CFAP65: variants seen among roughly 807,000 people sequenced by gnomAD.
CFAP65 encodes cilia and flagella associated protein 65.
CFAP65 carries 155 observed loss-of-function variants against 208.0 expected under a neutral mutation model. The ratio of observed to expected loss-of-function variants is 0.75; its 90% CI spans 0.65 to 0.85. The LOEUF (loss-of-function observed/expected upper bound fraction) is 0.85, where lower values mean the gene tolerates loss of function less well. Ranked by LOEUF, CFAP65 falls within the 40% of genes least tolerant of loss-of-function variation. The pLI is 0.00. For missense variants in CFAP65, 2,294 were observed against 2,451.3 expected, an observed-to-expected ratio of 0.94 and a Z score of 1.36; for synonymous variants, 970 against 986.3, an observed-to-expected ratio of 0.98 and a Z score of 0.31.
At chr2:219,039,167 G>GC in intron 2 of CFAP65, 117 bp from the exon 3 acceptor site, 3 of 900,578 alleles carry the variant, frequency 3.3e-6, no homozygotes, top group South Asian at 1.8e-5. Context: ...ATATATGCCA[G>GC]ATGCTATGTA....
chr2:219,013,974 T>A lies in CFAP65; in HGVS notation c.3673A>T (p.Thr1225Ser). The A allele has an allele frequency of 6.2e-7, 1 of 1,613,502 alleles. No homozygotes were observed. The highest frequency in any genetic ancestry group is 8.5e-7 in the Non-Finnish European group (1 of 1,179,822). ...LWAEQAELNS[T>S]ELHQMRVQDN... is the part of the protein sequence containing the mutation. Reference sequence around the variant, plus strand: ...TGCACGCGCATCTGGTGGAGCTCAGTGGAATTCAACTCTGCTTGCTCTGCC... The same window carrying A: ...TGCACGCGCATCTGGTGGAGCTCAGAGGAATTCAACTCTGCTTGCTCTGCC... Residue 1225 changes from threonine to serine, a missense_variant, in exon 22 of 35, where the codon ACT (threonine) becomes TCT (serine). Coordinates refer to ENST00000341552, the MANE Select transcript of CFAP65 (RefSeq NM_194302.4).
Position 219,019,626 on chromosome 2 carries a change from C to G in CFAP65, c.3353G>C (p.Ser1118Thr), listed in dbSNP as rs1947143638. 6.2e-7 allele frequency: 1 copy of G among 1,613,730 alleles called. No individual in the cohort carries two copies. Among genetic ancestry groups the G allele is most frequent in the Admixed American group, 1.7e-5 (1 of 60,010 alleles). The change falls in exon 20 of 35, where the codon AGT becomes ACT. Residue 1118 changes from serine (S) to threonine (T), a missense_variant. Coordinates refer to ENST00000341552, the MANE Select transcript of CFAP65 (RefSeq NM_194302.4). Reference sequence around the variant, plus strand: ...GTGCTTCCGGGTGATACCCTCAGCACTGCCCATGGAGCTGACATCCAGGAT... The same window carrying G: ...GTGCTTCCGGGTGATACCCTCAGCAGTGCCCATGGAGCTGACATCCAGGAT... ...LSILDVSSMG[S>T]AEGITRKHLW...
intron 32 of CFAP65, among the ~76,000 whole-genome samples, chr2:219,005,124 C>T (rs1420361036): frequency 1.3e-5 from 2 of 152,010 alleles, no homozygotes; most frequent in Admixed American, 6.6e-5. Context: ...TTAATGGTCT[C>T]AAGCAATCCT....
intron 11 of CFAP65, 25 bp from the exon 12 acceptor site, chr2:219,028,426 G>A (rs1201891237): frequency 3.1e-6 from 5 of 1,607,436 alleles, no homozygotes; most frequent in East Asian, 2.2e-5. Context: ...TGTGTGTGGT[G>A]GGGCATGGGA....
chr2:219,022,837 C>T (rs970455352), intron 16 of CFAP65, among the ~76,000 whole-genome samples: 1 of 152,226 alleles, frequency 6.6e-6, no homozygotes, highest in African/African-American at 2.4e-5. Context: ...CTCACCCTCA[C>T]TGGTGGCTGG....
chr2:219,031,477 C>T lies in CFAP65; in HGVS notation c.815+12G>A. 6.2e-7 allele frequency: 1 copy of T among 1,614,194 alleles called. No homozygotes were observed. Among genetic ancestry groups the T allele is most frequent in the Non-Finnish European group, 8.5e-7 (1 of 1,180,034 alleles). On this transcript the variant is annotated intron_variant, in intron 7 of 34. Coordinates refer to ENST00000341552, the MANE Select transcript of CFAP65 (RefSeq NM_194302.4). This position sits in a 1 kb window ranked among gnomAD's most constrained non-coding sequence, Gnocchi z 5.2. ...TCTTGCTCTCCCCGCCGCACCTCAG[C>T]CTCTTCCTCACCCCACATTATCCAG...
rs1945762691 is a variant in CFAP65, at chr2:219,004,018, C to T, written c.5489G>A (p.Trp1830Ter). 6.2e-7 allele frequency: 1 copy of T among 1,613,972 alleles called. No individual in the cohort carries two copies. Among genetic ancestry groups the T allele is most frequent in the African/African-American group, 1.3e-5 (1 of 74,924 alleles). ...CACCATGACATTCAGCTGCTGTTGC[C>T]ACTGCCATTGCATGGACTCCTGGGA... ...PESQESMQWQ[W>*]QQQLNVMVKE... Residue 1830 changes from tryptophan (W) to a stop codon, truncating the protein, a stop_gained, in exon 33 of 35, where the codon TGG becomes TAG. Transcript: ENST00000341552. LOFTEE classifies it high-confidence loss of function. This position sits in a 1 kb window ranked among gnomAD's most constrained non-coding sequence, Gnocchi z 4.7.
In CFAP65 at chr2:219,003,858, A is replaced by G. The variant is rs939649910; in HGVS notation, c.5555+94T>C. Reference sequence around the variant, plus strand: ...AGCACTGAATTAGGATGAGATGTGCATACAGGCAGCAGCCATCCTTGGCAT... The same window carrying G: ...AGCACTGAATTAGGATGAGATGTGCGTACAGGCAGCAGCCATCCTTGGCAT... On this transcript the variant is annotated intron_variant, in intron 33 of 34. Coordinates refer to ENST00000341552, the MANE Select transcript of CFAP65 (RefSeq NM_194302.4). This position sits in a 1 kb window ranked among gnomAD's most constrained non-coding sequence, Gnocchi z 4.4. 17 of 1,457,646 alleles carry G rather than the reference A, an allele frequency of 1.2e-5. No homozygotes were observed. The highest frequency in any genetic ancestry group is 3.8e-5 in the Admixed American group (2 of 52,656). The allele number at this position is 1,457,646 out of a possible 1,614,324, so 90.3% of individuals were successfully genotyped here.
rs5838715 is a variant in CFAP65 at position 219,031,925 on chromosome 2, CTTTTTTT to C, written c.646-274_646-268del. 2.3e-5 allele frequency among the ~76,000 whole-genome samples: 3 copies of C among 131,388 alleles called. No individual in the cohort carries two copies. The highest frequency in any genetic ancestry group is 4.9e-5 in the Non-Finnish European group (3 of 60,880). The allele number at this position is 131,388 out of a possible 152,430, so 86.2% of individuals were successfully genotyped here. On this transcript the variant is annotated intron_variant, in intron 6 of 34. Transcript: ENST00000341552. The surrounding 1 kb of genome is among the most constrained non-coding windows in gnomAD (Gnocchi z 5.2). Reference sequence around the variant, plus strand: ...ATGTAGAAGGGGTTTCTTTTCTTTTCTTTTTTTTTTTTTTTTTTTGAGTCTCGCTCTG... The same window carrying C: ...ATGTAGAAGGGGTTTCTTTTCTTTTCTTTTTTTTTTTTGAGTCTCGCTCTG...
rs141316016 is a variant in CFAP65 at position 219,029,544 on chromosome 2, G to A, written c.1509C>T (p.Ile503=). 2.4e-5 allele frequency: 39 copies of A among 1,613,940 alleles called. No individual in the cohort carries two copies. The Admixed American group carries it at 5.3e-4, about 22-fold the overall frequency. Residue 503 remains isoleucine, a synonymous_variant, in exon 11 of 35, where the codon ATC becomes ATT. Transcript: ENST00000341552. ...TGGTAAAGACACTCTCCAAGCAGTC[G>A]ATGGCAAACTGGAAGTGGGCCGTGC... ...SDCTAHFQFA[I]DCLESVFTIR... is the part of the protein sequence containing the mutation.
chr2:219,006,501 T>G lies in CFAP65; in HGVS notation c.4683A>C (p.Thr1561=). The G allele has an allele frequency of 6.2e-7, 1 of 1,613,626 alleles. No homozygotes were observed. The highest frequency in any genetic ancestry group is 1.3e-5 in the African/African-American group (1 of 75,046). Residue 1561 remains threonine, a synonymous_variant, in exon 30 of 35, where the codon ACA becomes ACC. Transcript: ENST00000341552. The stretch of plus-strand genomic sequence containing the variant: ...TCGCAGGTTCACAGGCTGTGCAGCA[T>G]GTTCTCTTCTGTGGAAAAAGAGAGA... ...TITDMKVKKR[T]CCTACEPARK...
intron 21 of CFAP65, 123 bp from the exon 22 acceptor site, chr2:219,014,167 T>C: frequency 1.0e-5 from 8 of 796,800 alleles, no homozygotes; most frequent in Middle Eastern, 3.3e-4. Context: ...ATGCACCCAT[T>C]TGGCAAACTG....
Position 219,017,479 on chromosome 2 carries a change from G to A in CFAP65, c.3602+1572C>T, listed in dbSNP as rs376491059. 3.3e-5 allele frequency among the ~76,000 whole-genome samples: 5 copies of A among 152,326 alleles called. No individual in the cohort carries two copies. In the East Asian group the frequency reaches 5.8e-4, roughly 18 times the overall value. ...TGTTCTTTATGAGCTCAGAAGAGAC[G>A]GACTAGAATTTTCAAAAATAGCCTT... On this transcript the variant is annotated intron_variant, in intron 21 of 34. Transcript: ENST00000341552.
intron 13 of CFAP65, chr2:219,026,734 G>A (rs1947657824): frequency 4.1e-6 from 4 of 966,764 alleles, no homozygotes; most frequent in Non-Finnish European, 4.9e-6. Context: ...AAGCTCAGTA[G>A]CCACGTGTGG....
chr2:219,003,307 G>A lies in CFAP65; in HGVS notation c.5556-35C>T, dbSNP rs763083974. On this transcript the variant is annotated intron_variant, in intron 33 of 34. Coordinates refer to ENST00000341552, the MANE Select transcript of CFAP65 (RefSeq NM_194302.4). The surrounding 1 kb of genome is among the most constrained non-coding windows in gnomAD (Gnocchi z 4.4). ...GGCGGGGGCTAGCATGAGGGCGGCC[G>A]CAGTGCCCGCGCGCCTCCTCGCTCG... The A allele has an allele frequency of 9.4e-6, 14 of 1,486,422 alleles. No homozygotes were observed. In the Middle Eastern group the frequency reaches 5.5e-4, roughly 58 times the overall value. 92.1% of individuals were successfully genotyped at this position (1,486,422 alleles called of 1,614,324 possible). A position where few individuals can be genotyped will look rare whatever the true frequency, so the allele number is the denominator to read the frequency against.
intron 15 of CFAP65, 63 bp from the exon 16 acceptor site, chr2:219,023,494 A>G (rs1051029259): frequency 8.2e-7 from 1 of 1,222,294 alleles, no homozygotes; most frequent in East Asian, 2.6e-5. Flanking sequence ...CCCCCACAAC[A>G]TGTCCAGGAA....
chr2:219,013,477 C>G (rs1946624324), intron 23 of CFAP65, 42 bp downstream of exon 23: 2 of 1,576,880 alleles, frequency 1.3e-6, no homozygotes. Flanking sequence ...GCCCCCTCCT[C>G]CAGCCTGAAA....
intron 14 of CFAP65, among the ~76,000 whole-genome samples, chr2:219,025,581 T>G (rs1374461429): frequency 1.3e-5 from 2 of 152,064 alleles, no homozygotes; most frequent in Non-Finnish European, 2.9e-5. Context: ...GGAATTATGA[T>G]CTCCTGAGGA....
At position 219,010,897 on chromosome 2, in the gene CFAP65, A is replaced by G. The variant is rs891763346; in HGVS notation, c.4057T>C (p.Phe1353Leu). Reference sequence around the variant, plus strand: ...TCCCCTTTGGGGTTGAGGCAGCAAAAGATGGGGTGATCAAAATTTTTTTCC... The same window carrying G: ...TCCCCTTTGGGGTTGAGGCAGCAAAGGATGGGGTGATCAAAATTTTTTTCC... ...VQEKNFDHPI[F>L]CCLNPKGEIQ... Residue 1353 changes from phenylalanine (F) to leucine (L), a missense_variant, in exon 25 of 35, where the codon TTT (phenylalanine) becomes CTT (leucine). Phe to Leu is a conservative substitution (Grantham distance 22). Around this residue, in one of 2 missense-constraint regions of CFAP65, gnomAD observed 1,427 missense variants for 1,438.7 expected, o/e 0.99. Coordinates refer to ENST00000341552, the MANE Select transcript of CFAP65 (RefSeq NM_194302.4). The G allele has an allele frequency of 1.2e-6, 2 of 1,613,768 alleles. No individual in the cohort carries two copies. Among genetic ancestry groups the G allele is most frequent in the African/African-American group, 2.7e-5 (2 of 74,958 alleles).
Sources: gnomAD v4.1 joint callset for allele counts (sites outside exome capture counted in the v4.1 genomes callset) on GRCh38, gnomAD v4.1.1 for gene constraint, gnomAD v4.1.1 regional missense constraint, Gnocchi (gnomAD v3.1) non-coding constraint, MANE v1.5 for transcripts, NCBI Gene and HGNC (gene_info 2026-07-23, HGNC 2026-07-21) for gene names.